ELOVL7: variants seen among roughly 807,000 people sequenced by gnomAD.
ELOVL7 encodes the protein very long chain fatty acid elongase 7.
A neutral mutation model predicts 35.7 loss-of-function variants in ELOVL7; 27 were observed. The ratio of observed to expected loss-of-function variants is 0.76; its 90% CI spans 0.56 to 1.04. The LOEUF (loss-of-function observed/expected upper bound fraction) is 1.04, where lower values mean the gene tolerates loss of function less well. Ranked by LOEUF, ELOVL7 falls within the 50% of genes least tolerant of loss-of-function variation. ELOVL7 has a pLI of 0.00. For missense variants in ELOVL7, 327 were observed against 340.8 expected (o/e 0.96, Z 0.32); for synonymous variants, 113 against 114.6 (o/e 0.99, Z 0.09).
At chr5:60,833,332 A>C (rs927132151) in intron 1 of ELOVL7, among the ~76,000 whole-genome samples, 19 of 152,126 alleles carry the variant, frequency 1.2e-4, no homozygotes, top group Non-Finnish European at 2.1e-4. Flanking sequence ...CAAAACACTA[A>C]TGTTTCTCTG....
intron 1 of ELOVL7, among the ~76,000 whole-genome samples, chr5:60,833,950 A>G (rs577273095): frequency 5.9e-5 from 9 of 152,230 alleles, no homozygotes; most frequent in Non-Finnish European, 1.3e-4. Flanking sequence ...AGAAAAGAAT[A>G]ACTATACTTT....
At chr5:60,834,222 A>T (rs1413016414) in intron 1 of ELOVL7, among the ~76,000 whole-genome samples, 1 of 152,076 alleles carries the variant, frequency 6.6e-6, no homozygotes, top group African/African-American at 2.4e-5. Flanking sequence ...GCTAACTGCA[A>T]GCTCTGCCTC....
At chr5:60,780,384 T>C (rs1289456408) in intron 3 of ELOVL7, among the ~76,000 whole-genome samples, 2 of 152,066 alleles carry the variant, frequency 1.3e-5, no homozygotes, top group Non-Finnish European at 1.5e-5. Flanking sequence ...CCTCCCAAAG[T>C]GCTGGGATTA....
Position 60,771,897 on chromosome 5 carries a change from A to T in ELOVL7, c.255+6T>A. On this transcript the variant is annotated splice_donor_region_variant and intron_variant, in intron 4 of 8. Coordinates refer to ENST00000508821, the MANE Select transcript of ELOVL7 (RefSeq NM_024930.3). ...TTCTCCCATTAGGAATACTGAAGAC[A>T]CTTGCCTCATAACACATATACACAG... 1 of 1,579,254 alleles carries T rather than the reference A, an allele frequency of 6.3e-7. No homozygotes were observed. Among genetic ancestry groups the T allele is most frequent in the Non-Finnish European group, 8.6e-7 (1 of 1,158,794 alleles).
At chr5:60,808,399 G>C (rs905826594) in intron 1 of ELOVL7, among the ~76,000 whole-genome samples, 1 of 152,136 alleles carries the variant, frequency 6.6e-6, no homozygotes, top group Non-Finnish European at 1.5e-5. Flanking sequence ...ACAAATCCTG[G>C]TTAAATTGAT....
At chr5:60,777,916 T>G (rs1309551960) in intron 3 of ELOVL7, among the ~76,000 whole-genome samples, 1 of 152,250 alleles carries the variant, frequency 6.6e-6, no homozygotes, top group African/African-American at 2.4e-5. Flanking sequence ...ACGTCTCTGA[T>G]GCTCTCAGCA....
intron 1 of ELOVL7, among the ~76,000 whole-genome samples, chr5:60,835,969 T>C (rs1329698055): frequency 6.6e-6 from 1 of 151,984 alleles, no homozygotes; most frequent in African/African-American, 2.4e-5. Flanking sequence ...GAAGCCACTG[T>C]TCATCATGCC....
chr5:60,770,748 C>T (rs985957154), intron 4 of ELOVL7, among the ~76,000 whole-genome samples: 2 of 152,000 alleles, frequency 1.3e-5, no homozygotes, highest in East Asian at 1.9e-4. Flanking sequence ...GGTCTTGCTC[C>T]GTCACTAGAC....
At chr5:60,757,393 C>G in intron 8 of ELOVL7, 116 bp downstream of exon 8, 1 of 1,017,082 alleles carries the variant, frequency 9.8e-7, no homozygotes, top group Non-Finnish European at 1.4e-6. Context: ...AGGGGCCAGA[C>G]GCTCTACCCC....
At chr5:60,782,992 T>C (rs193212335) in intron 3 of ELOVL7, among the ~76,000 whole-genome samples, 63 of 152,352 alleles carry the variant, frequency 4.1e-4, no homozygotes, top group Non-Finnish European at 7.5e-4. Context: ...TTGGATTGAT[T>C]TAATCATTTT....
At chr5:60,812,171 G>A (rs532001039) in intron 1 of ELOVL7, among the ~76,000 whole-genome samples, 7 of 152,164 alleles carry the variant, frequency 4.6e-5, no homozygotes, top group Non-Finnish European at 1.0e-4. Context: ...AGTGAGCAAT[G>A]ATTGTGCCAC....
At chr5:60,755,903 TACTC>T (rs958454166) in intron 8 of ELOVL7, among the ~76,000 whole-genome samples, 1 of 152,202 alleles carries the variant, frequency 6.6e-6, no homozygotes, top group African/African-American at 2.4e-5. Flanking sequence ...AGACAACAAT[TACTC>T]ACAATCTGTC....
chr5:60,826,812 T>C (rs1307316083), intron 1 of ELOVL7, among the ~76,000 whole-genome samples: 2 of 152,168 alleles, frequency 1.3e-5, no homozygotes, highest in African/African-American at 4.8e-5. Context: ...CAAAAGACTT[T>C]GGGACATTGT....
chr5:60,754,929 G>T, intron 8 of ELOVL7, 96 bp from the exon 9 acceptor site: 1 of 942,044 alleles, frequency 1.1e-6, no homozygotes, highest in Non-Finnish European at 1.6e-6. Flanking sequence ...TGCAGGGAGT[G>T]CACTATTGGG....
intron 1 of ELOVL7, among the ~76,000 whole-genome samples, chr5:60,809,449 T>A (rs1049175750): frequency 6.6e-6 from 1 of 152,212 alleles, no homozygotes; most frequent in African/African-American, 2.4e-5. Context: ...TTCTAGAGCT[T>A]GTCTAGCTGT....
chr5:60,784,165 C>T, intron 3 of ELOVL7: 1 of 1,508,518 alleles, frequency 6.6e-7, no homozygotes, highest in East Asian at 2.5e-5. Flanking sequence ...CAGGTACTGG[C>T]TCAAAGAGTA....
At chr5:60,761,663 A>C (rs1315540479) in intron 7 of ELOVL7, among the ~76,000 whole-genome samples, 1 of 152,172 alleles carries the variant, frequency 6.6e-6, no homozygotes, top group Non-Finnish European at 1.5e-5. Flanking sequence ...AGTGGCAGAC[A>C]GTTTTTTCAT....
At position 60,787,522 on chromosome 5, in the gene ELOVL7, T is replaced by C. The variant is rs1336907502; in HGVS notation, c.-34-91A>G. ...AATACATTATTTAAAATGCTAAAAA[T>C]TTAATATGAATAACTGGCAAGACAA... is the stretch of plus-strand genomic sequence containing the variant. On this transcript the variant is annotated intron_variant, in intron 2 of 8. Transcript: ENST00000508821. 30 of 675,560 alleles carry C rather than the reference T, an allele frequency of 4.4e-5. No homozygotes were observed. The South Asian group carries it at 5.1e-4, about 12-fold the overall frequency. 41.8% of individuals were successfully genotyped at this position (675,560 alleles called of 1,614,324 possible).
At chr5:60,769,730 T>C (rs1036123610) in intron 4 of ELOVL7, among the ~76,000 whole-genome samples, 1 of 152,184 alleles carries the variant, frequency 6.6e-6, no homozygotes, top group African/African-American at 2.4e-5. Flanking sequence ...ACTTTTTACA[T>C]ATATGTCTAT....
Sources: allele counts gnomAD v4.1 joint callset (sites outside exome capture counted in the v4.1 genomes callset), GRCh38; gene constraint gnomAD v4.1.1; transcripts MANE v1.5; gene names NCBI Gene and HGNC (gene_info 2026-07-23, HGNC 2026-07-21).